Variants in LRBA observed in about 807,000 individuals in gnomAD.
LRBA encodes LPS responsive beige-like anchor protein.
A neutral mutation model predicts 330.0 loss-of-function variants in LRBA; 176 were observed. The ratio of observed to expected loss-of-function variants is 0.53; its 90% CI spans 0.47 to 0.60. The LOEUF is 0.60. LRBA is among the 20% of genes least tolerant of loss of function. The pLI is 0.00. For missense variants in LRBA, 3,259 were observed against 3,444.8 expected, an observed-to-expected ratio of 0.95 and a Z score of 1.35; for synonymous variants, 1,230 against 1,193.0, an observed-to-expected ratio of 1.03 and a Z score of -0.64.
chr4:150,462,278 T>C (rs1754872886), intron 44 of LRBA, among the ~76,000 whole-genome samples: 1 of 151,774 alleles, frequency 6.6e-6, no homozygotes, highest in African/African-American at 2.4e-5. Context: ...CAAAATTGAT[T>C]CCTATTTTTT....
At chr4:150,529,718 T>A (rs1333871304) in intron 40 of LRBA, among the ~76,000 whole-genome samples, 3 of 138,072 alleles carry the variant, frequency 2.2e-5, no homozygotes. Context: ...CGAGACTCCA[T>A]CTCAAAAAAA....
intron 51 of LRBA, chr4:150,311,297 T>C (rs1731024841): frequency 6.6e-6 from 1 of 152,196 alleles, no homozygotes; most frequent in African/African-American, 2.4e-5. Flanking sequence ...AAGTAAGGAT[T>C]CTGATGCTGC....
chr4:150,428,328 A>G (rs963880348), intron 46 of LRBA, among the ~76,000 whole-genome samples: 2 of 152,086 alleles, frequency 1.3e-5, no homozygotes, highest in Admixed American at 1.3e-4. Flanking sequence ...AGATATGACC[A>G]GTGATGGTAT....
chr4:150,439,166 TA>T (rs563002957), intron 44 of LRBA, among the ~76,000 whole-genome samples: 28 of 152,186 alleles, frequency 1.8e-4, no homozygotes, highest in Non-Finnish European at 3.5e-4. Context: ...TTATATGAAT[TA>T]AAAATAGAAT....
At chr4:151,014,140 T>G (rs776136711) in intron 2 of LRBA, 40 of 268,340 alleles carry the variant, frequency 1.5e-4, no homozygotes, top group Admixed American at 2.5e-4. Context: ...AAATTAGAGA[T>G]AACTCCTCCG....
chr4:150,668,202 C>A (rs941346609), intron 37 of LRBA, among the ~76,000 whole-genome samples: 5 of 152,220 alleles, frequency 3.3e-5, no homozygotes, highest in African/African-American at 1.2e-4. Context: ...ATCTATGAGT[C>A]TTAGTAAAGT....
At chr4:150,816,277 G>T (rs1022461279) in intron 31 of LRBA, among the ~76,000 whole-genome samples, 1 of 151,904 alleles carries the variant, frequency 6.6e-6, no homozygotes, top group Non-Finnish European at 1.5e-5. Context: ...TCTCAACCTA[G>T]AATCATAAGA....
intron 47 of LRBA, among the ~76,000 whole-genome samples, chr4:150,351,690 A>AAAAAC (rs1737203509): frequency 6.6e-6 from 1 of 152,200 alleles, no homozygotes; most frequent in Non-Finnish European, 1.5e-5. Flanking sequence ...CTCCGTCTCA[A>AAAAAC]AAAACAAAAC....
intron 51 of LRBA, chr4:150,314,946 G>C (rs1313675298): frequency 6.6e-6 from 1 of 152,010 alleles, no homozygotes; most frequent in Non-Finnish European, 1.5e-5. Context: ...GCAATTTATT[G>C]GGCTGTAGGA....
intron 2 of LRBA, 123 bp from the exon 3 acceptor site, chr4:150,929,188 T>G (rs774570230): frequency 1.3e-5 from 8 of 605,374 alleles, no homozygotes; most frequent in Non-Finnish European, 2.2e-5. Context: ...AAAGGTTCAT[T>G]AAAAAACATG....
At chr4:150,639,951 G>C (rs1265632185) in intron 37 of LRBA, among the ~76,000 whole-genome samples, 1 of 144,230 alleles carries the variant, frequency 6.9e-6, no homozygotes, top group African/African-American at 2.6e-5. Context: ...CCCCCTCCCG[G>C]GTTCAAGCGA....
intron 16 of LRBA, among the ~76,000 whole-genome samples, chr4:150,894,779 T>C (rs1729879999): frequency 6.6e-6 from 1 of 152,188 alleles, no homozygotes; most frequent in Non-Finnish European, 1.5e-5. Flanking sequence ...TTATCTCATA[T>C]AAAGTACTTT....
intron 2 of LRBA, among the ~76,000 whole-genome samples, chr4:150,988,354 G>T (rs1293242883): frequency 6.6e-6 from 1 of 152,042 alleles, no homozygotes; most frequent in African/African-American, 2.4e-5. Flanking sequence ...TAAGTTCCTA[G>T]AAAATTGTTC....
intron 30 of LRBA, among the ~76,000 whole-genome samples, chr4:150,820,569 T>A (rs1355169745): frequency 6.6e-6 from 1 of 152,032 alleles, no homozygotes; most frequent in Admixed American, 6.6e-5. Context: ...AATTAGTATA[T>A]AATAGAGAAA....
chr4:150,617,567 G>A (rs553960386), intron 37 of LRBA, among the ~76,000 whole-genome samples: 233 of 152,270 alleles, frequency 1.5e-3, no homozygotes, highest in African/African-American at 5.4e-3. Flanking sequence ...GCTTGAACCC[G>A]AGAGGCGGAG....
intron 46 of LRBA, among the ~76,000 whole-genome samples, chr4:150,434,707 C>G (rs1449266443): frequency 3.3e-5 from 5 of 151,946 alleles, no homozygotes; most frequent in Non-Finnish European, 7.4e-5. Flanking sequence ...AAAAATTAGC[C>G]TAGCGTGGTG....
intron 5 of LRBA, among the ~76,000 whole-genome samples, chr4:150,917,782 A>G (rs1267876587): frequency 6.6e-6 from 1 of 152,040 alleles, no homozygotes; most frequent in Non-Finnish European, 1.5e-5. Flanking sequence ...TACAAAAATT[A>G]GCCATGCGTG....
At chr4:150,906,812 A>G (rs1731386775) in intron 11 of LRBA, among the ~76,000 whole-genome samples, 1 of 152,144 alleles carries the variant, frequency 6.6e-6, no homozygotes, top group African/African-American at 2.4e-5. Flanking sequence ...GTGAGAAAAG[A>G]CAGTGGAGCA....
At chr4:150,318,173 G>A (rs1029805568) in intron 50 of LRBA, among the ~76,000 whole-genome samples, 23 of 152,160 alleles carry the variant, frequency 1.5e-4, no homozygotes, top group African/African-American at 5.3e-4. Context: ...GAGCAGGAAA[G>A]TTGGGACCTG....
Sources: gnomAD v4.1 joint callset for allele counts (sites outside exome capture counted in the v4.1 genomes callset) on GRCh38, gnomAD v4.1.1 for gene constraint, MANE v1.5 for transcripts, NCBI Gene and HGNC (gene_info 2026-07-23, HGNC 2026-07-21) for gene names.